CCDC88A: variants seen among roughly 807,000 people sequenced by gnomAD.
CCDC88A encodes girdin.
Under a neutral mutation model 234.3 loss-of-function variants are expected in CCDC88A, and 54 were observed. The observed-to-expected ratio is 0.23, with a 90% CI of 0.19 to 0.29. CCDC88A has a LOEUF of 0.29. CCDC88A is among the 10% of genes least tolerant of loss of function. The pLI is 1.00. For synonymous variants in CCDC88A, 753 were observed against 737.8 expected (o/e 1.02, Z -0.33); for missense variants, 1,832 against 2,123.4 (o/e 0.86, Z 2.70).
intron 29 of CCDC88A, among the ~76,000 whole-genome samples, chr2:55,297,364 T>C (rs1454661639): frequency 2.0e-5 from 2 of 100,390 alleles, no homozygotes; most frequent in African/African-American, 1.1e-4. Context: ...TAAATATATA[T>C]AATATATATT....
At chr2:55,409,841 A>G (rs1239645503) in intron 2 of CCDC88A, among the ~76,000 whole-genome samples, 2 of 148,150 alleles carry the variant, frequency 1.3e-5, no homozygotes, top group East Asian at 4.2e-4. Flanking sequence ...CCCAGCTTCA[A>G]GTGATTCTCC....
chr2:55,384,844 G>A (rs1675331600), intron 3 of CCDC88A, among the ~76,000 whole-genome samples: 1 of 151,120 alleles, frequency 6.6e-6, no homozygotes, highest in Admixed American at 6.6e-5. Flanking sequence ...TTTAGTACAG[G>A]CAGGGTTTCA....
rs775570152 is a variant in CCDC88A at position 55,374,842 on chromosome 2, G to C, written c.315C>G (p.Val105=). ...QQLIMMSLPN[V]LIIGKNPFSE... is the part of the protein sequence containing the mutation. ...AAAAGGGATTTTTGCCAATGATTAA[G>C]ACATTTGGCAACGACATCATGATCA... The change falls in exon 4 of 33, where the codon GTC becomes GTG. Residue 105 remains valine (V), a synonymous_variant. Transcript: ENST00000436346. The C allele has an allele frequency of 1.2e-6, 2 of 1,608,090 alleles. No homozygotes were observed. The highest frequency in any genetic ancestry group is 1.7e-6 in the Non-Finnish European group (2 of 1,175,480).
Position 55,296,418 on chromosome 2 carries a change from T to C in CCDC88A, c.4931A>G (p.Gln1644Arg). The part of the protein sequence containing the change: ...AWSSSGSSPI[Q>R]YLKRQTRSSP... ...TGATCTGGTCTGTCTTTTCAAGTAC[T>C]GGATTGGACTGCTACCACTGCTGGA... is the stretch of plus-strand genomic sequence containing the variant. Residue 1644 changes from glutamine to arginine, a missense_variant, in exon 30 of 33, where the codon CAG (glutamine) becomes CGG (arginine). Gln to Arg is a conservative substitution (Grantham distance 43). This residue lies in a region of CCDC88A where 422 missense variants were observed against 416.5 expected (regional missense o/e 1.01). Transcript: ENST00000436346. The C allele has an allele frequency of 6.2e-7, 1 of 1,614,242 alleles. No individual in the cohort carries two copies. Among genetic ancestry groups the C allele is most frequent in the South Asian group, 1.1e-5 (1 of 91,088 alleles).
intron 13 of CCDC88A, chr2:55,338,831 A>G (rs1056213944): frequency 6.6e-6 from 1 of 152,158 alleles, no homozygotes; most frequent in Admixed American, 6.5e-5. Context: ...CAATACAAAT[A>G]TTTTTAAATT....
intron 17 of CCDC88A, chr2:55,324,197 T>G (rs910365692): frequency 6.6e-6 from 1 of 152,234 alleles, no homozygotes; most frequent in South Asian, 2.1e-4. Flanking sequence ...AATTATGTTA[T>G]GAATTCAAAT....
At chr2:55,363,404 G>C (rs1212392421) in intron 6 of CCDC88A, among the ~76,000 whole-genome samples, 1 of 151,840 alleles carries the variant, frequency 6.6e-6, no homozygotes, top group Non-Finnish European at 1.5e-5. Flanking sequence ...AGAATAGACA[G>C]ACATAGAAAC....
At chr2:55,322,419 T>G in intron 18 of CCDC88A, 109 bp downstream of exon 18, 1 of 665,798 alleles carries the variant, frequency 1.5e-6, no homozygotes, top group Non-Finnish European at 2.5e-6. Flanking sequence ...ATTTTCTTAT[T>G]AAGTGCCATC....
intron 7 of CCDC88A, chr2:55,356,764 T>A (rs1670641061): frequency 1.3e-5 from 2 of 152,134 alleles, no homozygotes; most frequent in Non-Finnish European, 2.9e-5. Flanking sequence ...ATCCCACATG[T>A]ACTAAAAATA....
intron 17 of CCDC88A, chr2:55,323,739 T>A (rs1225984250): frequency 1.3e-5 from 2 of 152,156 alleles, no homozygotes; most frequent in African/African-American, 2.4e-5. Context: ...TGAGACATAG[T>A]CTCACTCTGT....
rs370953454 is a variant in CCDC88A at position 55,343,319 on chromosome 2, C to T, written c.1333+329G>A. On this transcript the variant is annotated intron_variant, in intron 12 of 32. Transcript: ENST00000436346. Reference sequence around the variant, plus strand: ...TCAAAGAACATGCTGACCACTAATACGACTTTTCTGTTCTATTTATTAGAT... The same window carrying T: ...TCAAAGAACATGCTGACCACTAATATGACTTTTCTGTTCTATTTATTAGAT... Among the ~76,000 whole-genome samples the T allele has an allele frequency of 8.5e-5, 13 of 152,152 alleles. 1 individual carries two copies. Among genetic ancestry groups the T allele is most frequent in the African/African-American group, 2.9e-4 (12 of 41,538 alleles).
chr2:55,378,015 T>C (rs573452571), intron 3 of CCDC88A, among the ~76,000 whole-genome samples: 3 of 152,324 alleles, frequency 2.0e-5, no homozygotes, highest in African/African-American at 7.2e-5. Flanking sequence ...GAGTCAAAAT[T>C]GATGGATCAA....
At position 55,332,841 on chromosome 2, in the gene CCDC88A, GTAGT is replaced by G; in HGVS notation, c.2728-152_2728-149del. On this transcript the variant is annotated intron_variant, in intron 15 of 32. Transcript: ENST00000436346. The surrounding 1 kb of genome is among the most constrained non-coding windows in gnomAD (Gnocchi z 4.5). ...TAAACCATTCCTTCATTATTAAAAT[GTAGT>G]TAAAGTTATAACCTAGTTGAAATAA... The G allele has an allele frequency of 1.4e-6, 1 of 723,830 alleles. No individual in the cohort carries two copies. Among genetic ancestry groups the G allele is most frequent in the Non-Finnish European group, 2.2e-6 (1 of 458,434 alleles). 44.8% of individuals were successfully genotyped at this position (723,830 alleles called of 1,614,324 possible).
chr2:55,412,177 A>T (rs1322800348), intron 2 of CCDC88A, among the ~76,000 whole-genome samples: 1 of 152,194 alleles, frequency 6.6e-6, no homozygotes, highest in Non-Finnish European at 1.5e-5. Context: ...GCTAAGTACT[A>T]GGTTAGGTGC....
At chr2:55,401,468 ATATGTGTGTGTATG>A (rs201543652) in intron 2 of CCDC88A, among the ~76,000 whole-genome samples, 4,979 of 12,728 alleles carry the variant, frequency 0.39, 1,283 homozygotes, top group African/African-American at 0.59. Flanking sequence ...ATATATATAC[ATATGTGTGTGTATG>A]TATGTGTGTG....
intron 3 of CCDC88A, among the ~76,000 whole-genome samples, chr2:55,388,045 T>C (rs1453385818): frequency 1.3e-5 from 2 of 152,048 alleles, no homozygotes; most frequent in Non-Finnish European, 2.9e-5. Context: ...ACAAACAAGG[T>C]TGCTCTCACT....
At chr2:55,325,687 C>A (rs1684172497) in intron 17 of CCDC88A, among the ~76,000 whole-genome samples, 1 of 152,126 alleles carries the variant, frequency 6.6e-6, no homozygotes, top group Non-Finnish European at 1.5e-5. Flanking sequence ...TACTTATTCT[C>A]CAATTATTGA....
intron 23 of CCDC88A, among the ~76,000 whole-genome samples, chr2:55,310,034 A>G (rs544295330): frequency 6.6e-6 from 1 of 152,208 alleles, no homozygotes; most frequent in Admixed American, 6.5e-5. Context: ...ATGAAGAAAA[A>G]GGCCATTATT....
At position 55,322,603 on chromosome 2, in the gene CCDC88A, T is replaced by C. The variant is rs759569365; in HGVS notation, c.3087A>G (p.Lys1029=). 2.5e-6 allele frequency: 4 copies of C among 1,607,234 alleles called. No individual in the cohort carries two copies. The highest frequency in any genetic ancestry group is 2.2e-5 in the East Asian group (1 of 44,752). ...SSPPISGEDN[K]WERESQETTR... ...TCGTTTCTTGACTTTCTCGCTCCCA[T>C]TTGTTGTCTTCACCAGATATTGGAG... The change falls in exon 18 of 33, where the codon AAA becomes AAG. Residue 1029 remains lysine, a synonymous_variant. Coordinates refer to ENST00000436346, the MANE Select transcript of CCDC88A (RefSeq NM_001365480.1).
Sources: gnomAD v4.1 joint callset for allele counts (sites outside exome capture counted in the v4.1 genomes callset) on GRCh38, gnomAD v4.1.1 for gene constraint, gnomAD v4.1.1 regional missense constraint, Gnocchi (gnomAD v3.1) non-coding constraint, MANE v1.5 for transcripts, NCBI Gene and HGNC (gene_info 2026-07-23, HGNC 2026-07-21) for gene names.